Variants in FDFT1 observed in about 807,000 individuals in gnomAD.
FDFT1 encodes the protein squalene synthase.
FDFT1 carries 68 observed loss-of-function variants against 46.8 expected under a neutral mutation model. The ratio of observed to expected loss-of-function variants is 1.45; its 90% CI spans 1.19 to 1.78. FDFT1 has a LOEUF of 1.78. Ranked by LOEUF, FDFT1 falls within the 40% of genes most tolerant of loss-of-function variation. FDFT1 has a pLI of 0.00. For synonymous variants in FDFT1, 351 were observed against 185.1 expected (o/e 1.90, Z -7.28); for missense variants, 928 against 524.4 (o/e 1.77, Z -7.52).
intron 3 of FDFT1, among the ~76,000 whole-genome samples, chr8:11,820,923 A>C (rs1050952857): frequency 2.6e-5 from 4 of 152,338 alleles, no homozygotes; most frequent in Admixed American, 2.6e-4. Context: ...CTCAGTTGGA[A>C]ATGCAGAAAT....
chr8:11,803,246 CACATCTGAG>C (rs1384123132), intron 1 of FDFT1: 31 of 1,373,720 alleles, frequency 2.3e-5, no homozygotes, highest in South Asian at 1.3e-4. Context: ...CCGAGGGTTA[CACATCTGAG>C]GCAATGTGGG....
upstream of FDFT1, among the ~76,000 whole-genome samples, chr8:11,797,501 A>G (rs547045937): frequency 5.0e-4 from 71 of 141,946 alleles, no homozygotes; most frequent in Non-Finnish European, 7.6e-4. Flanking sequence ...CACATTGTAG[A>G]TGTTCAGCCA....
At chr8:11,829,526 C>A (rs1344477918) in intron 5 of FDFT1, among the ~76,000 whole-genome samples, 4 of 152,216 alleles carry the variant, frequency 2.6e-5, no homozygotes, top group African/African-American at 4.8e-5. Context: ...TATTTAGAGG[C>A]CTGGCCATCT....
intron 6 of FDFT1, among the ~76,000 whole-genome samples, 180 bp from the exon 7 acceptor site, chr8:11,831,338 G>T (rs1319967474): frequency 1.3e-5 from 2 of 152,242 alleles, no homozygotes. Flanking sequence ...AAAGGGAGGA[G>T]TGGGGAAGGT....
intron 1 of FDFT1, among the ~76,000 whole-genome samples, chr8:11,805,936 G>A (rs1806773107): frequency 1.3e-5 from 2 of 152,210 alleles, no homozygotes; most frequent in African/African-American, 4.8e-5. Flanking sequence ...TGTCCGCATT[G>A]TGCTTGGCAT....
chr8:11,820,030 G>A (rs1809002338), intron 3 of FDFT1, among the ~76,000 whole-genome samples: 1 of 152,124 alleles, frequency 6.6e-6, no homozygotes, highest in Non-Finnish European at 1.5e-5. Context: ...ATGGGTTTTG[G>A]TGTGGGTGTC....
At chr8:11,835,255 G>C (rs1437950042) in intron 7 of FDFT1, among the ~76,000 whole-genome samples, 2 of 152,204 alleles carry the variant, frequency 1.3e-5, no homozygotes. Context: ...GAATAATTGA[G>C]TTTGCAGAAA....
At chr8:11,803,410 T>TGA (rs1806400014) in intron 1 of FDFT1, 1 of 1,288,708 alleles carries the variant, frequency 7.8e-7, no homozygotes, top group African/African-American at 1.5e-5. Context: ...CTTGCTGCCT[T>TGA]CCATCGCTTC....
intron 4 of FDFT1, among the ~76,000 whole-genome samples, chr8:11,822,545 A>G (rs540936892): frequency 1.0e-3 from 154 of 152,272 alleles, no homozygotes; most frequent in Non-Finnish European, 1.5e-3. Flanking sequence ...GCCGGGTACT[A>G]TGGTTTACCT....
In FDFT1 at chr8:11,802,938, C is replaced by T. The variant is rs1806320055; in HGVS notation, c.99+7C>T. ...GATGCCCAAGATGGACCAGGTGGGC[C>T]GAGCCTCCCTGCTTGCCCGGGGCGG... On this transcript the variant is annotated splice_region_variant and intron_variant, in intron 1 of 7. Coordinates refer to ENST00000220584, the MANE Select transcript of FDFT1 (RefSeq NM_004462.5). 7 of 1,598,512 alleles carry T rather than the reference C, an allele frequency of 4.4e-6. No individual in the cohort carries two copies. The highest frequency in any genetic ancestry group is 1.1e-5 in the South Asian group (1 of 88,756).
chr8:11,802,075 C>T, upstream of FDFT1: 1 of 455,492 alleles, frequency 2.2e-6, no homozygotes. Context: ...GGCTTCAGCT[C>T]CTTTTTCTAG....
rs189790150 is a variant in FDFT1 at position 11,804,974 on chromosome 8, A to G, written c.99+2043A>G. ...TCCAGGCTAGAATGCTGTGGCCTGA[A>G]CATGACTCACTCCAGTTTTGACTTC... is the stretch of plus-strand genomic sequence containing the variant. On this transcript the variant is annotated intron_variant, in intron 1 of 7. Transcript: ENST00000220584. Among the ~76,000 whole-genome samples the G allele has an allele frequency of 4.8e-5, 7 of 147,140 alleles. No individual in the cohort carries two copies. In the Admixed American group the frequency reaches 4.8e-4, roughly 10 times the overall value.
upstream of FDFT1, among the ~76,000 whole-genome samples, chr8:11,799,098 A>G (rs1805848745): frequency 6.6e-6 from 1 of 152,248 alleles, no homozygotes; most frequent in Admixed American, 6.5e-5. Context: ...TATATGACCC[A>G]TATTCACTTT....
At chr8:11,813,889 G>A (rs1808077122) in intron 3 of FDFT1, among the ~76,000 whole-genome samples, 1 of 149,680 alleles carries the variant, frequency 6.7e-6, no homozygotes, top group African/African-American at 2.5e-5. Context: ...TGAGTGCGGA[G>A]TCAGGAAAGC....
chr8:11,835,561 A>G (rs918296569), intron 7 of FDFT1, among the ~76,000 whole-genome samples: 1 of 152,150 alleles, frequency 6.6e-6, no homozygotes, highest in African/African-American at 2.4e-5. Flanking sequence ...AGTTCTCTAA[A>G]AGGGTTTTTG....
At chr8:11,801,914 C>T (rs764212675), upstream of FDFT1, 6 of 453,850 alleles carry the variant, frequency 1.3e-5, no homozygotes, top group South Asian at 6.2e-5. Context: ...TGGTCTCGAT[C>T]TCTTGACCTC....
chr8:11,837,278 T>G (rs1246542406), intron 7 of FDFT1, among the ~76,000 whole-genome samples: 1 of 152,246 alleles, frequency 6.6e-6, no homozygotes, highest in Non-Finnish European at 1.5e-5. Context: ...TCATCCAGGC[T>G]GGAGTGCAGT....
At chr8:11,802,290 G>A (rs1418899970), upstream of FDFT1, 2 of 387,540 alleles carry the variant, frequency 5.2e-6, no homozygotes, top group Admixed American at 6.1e-5. Flanking sequence ...AGCTCACCCG[G>A]CTGGCAGGAG....
chr8:11,833,614 C>T (rs887356722), intron 7 of FDFT1, among the ~76,000 whole-genome samples: 2 of 152,088 alleles, frequency 1.3e-5, no homozygotes, highest in Non-Finnish European at 2.9e-5. Flanking sequence ...AGTTTGAGGG[C>T]GAGGGTGGGC....
Sources: allele counts gnomAD v4.1 joint callset (sites outside exome capture counted in the v4.1 genomes callset), GRCh38; gene constraint gnomAD v4.1.1; transcripts MANE v1.5; gene names NCBI Gene and HGNC (gene_info 2026-07-23, HGNC 2026-07-21).